TSPAN7: variants seen among roughly 807,000 people sequenced by gnomAD.
The protein encoded by TSPAN7 is tetraspanin 7.
In TSPAN7, 1 loss-of-function variant was observed where a neutral mutation model predicts 17.6. The observed-to-expected ratio is 0.06, with a 90% CI of 0.02 to 0.27. The LOEUF is 0.27. TSPAN7 is among the 10% of genes least tolerant of loss of function. The probability of loss-of-function intolerance (pLI) is 1.00; values close to 1 mark genes in which losing one functional copy is unlikely to be tolerated. For synonymous variants in TSPAN7, 78 were observed against 79.0 expected, an observed-to-expected ratio of 0.99 and a Z score of 0.07; for missense variants, 112 against 201.7, an observed-to-expected ratio of 0.56 and a Z score of 2.69.
At chrX:38,630,184 T>C (rs1274147230) in intron 1 of TSPAN7, among the ~76,000 whole-genome samples, 1 of 112,386 alleles carries the variant, frequency 8.9e-6, no homozygotes, top group African/African-American at 3.2e-5. Flanking sequence ...AATGATTGTG[T>C]CCTTCATGTA....
chrX:38,683,417 A>C (rs2069904926), intron 6 of TSPAN7, among the ~76,000 whole-genome samples: 1 of 113,129 alleles, frequency 8.8e-6, no homozygotes, highest in South Asian at 3.6e-4. Flanking sequence ...CCTCTAGGCC[A>C]GTAAGAGAGC....
intron 1 of TSPAN7, chrX:38,571,031 A>G (rs1423478038): frequency 1.8e-5 from 2 of 112,201 alleles, no homozygotes; most frequent in African/African-American, 6.5e-5. Flanking sequence ...GTTTTGTTAC[A>G]TATATATATT....
intron 1 of TSPAN7, among the ~76,000 whole-genome samples, chrX:38,622,311 C>CA (rs2069492597): frequency 1.8e-5 from 2 of 112,299 alleles, no homozygotes; most frequent in African/African-American, 6.5e-5. Context: ...CTTTGGGAGG[C>CA]CAAGGCAGGA....
At chrX:38,671,919 G>T (rs2069823346) in intron 3 of TSPAN7, among the ~76,000 whole-genome samples, 1 of 110,800 alleles carries the variant, frequency 9.0e-6, no homozygotes, top group African/African-American at 3.3e-5. Flanking sequence ...GTGGTGGCTT[G>T]CTTCTATAGT....
At chrX:38,672,464 C>T (rs1040483702) in intron 3 of TSPAN7, among the ~76,000 whole-genome samples, 6 of 110,687 alleles carry the variant, frequency 5.4e-5, no homozygotes, top group African/African-American at 9.9e-5. Context: ...TTACCAAAGA[C>T]AGTATCCCAG....
chrX:38,585,584 A>G (rs2069254040), intron 1 of TSPAN7, among the ~76,000 whole-genome samples: 1 of 112,137 alleles, frequency 8.9e-6, no homozygotes, highest in African/African-American at 3.2e-5. Flanking sequence ...TTTTAATACA[A>G]TACAAAATAT....
chrX:38,632,122 G>A (rs996783771), intron 1 of TSPAN7, among the ~76,000 whole-genome samples: 2 of 111,168 alleles, frequency 1.8e-5, no homozygotes, highest in South Asian at 3.8e-4. Flanking sequence ...CTTAATTGGC[G>A]TAAACTCTCA....
intron 1 of TSPAN7, among the ~76,000 whole-genome samples, chrX:38,624,550 T>C (rs1467241168): frequency 8.9e-6 from 1 of 112,517 alleles, no homozygotes; most frequent in Admixed American, 9.4e-5. Flanking sequence ...ACTGAAGAAA[T>C]AGGTTTCAGT....
chrX:38,618,446 G>A (rs2069468848), intron 1 of TSPAN7, among the ~76,000 whole-genome samples: 1 of 111,667 alleles, frequency 9.0e-6, no homozygotes, highest in Admixed American at 9.5e-5. Context: ...TTGGGTGGGT[G>A]TTCTTGATAG....
At chrX:38,634,890 A>AGTG (rs2069571124) in intron 1 of TSPAN7, among the ~76,000 whole-genome samples, 1 of 110,278 alleles carries the variant, frequency 9.1e-6, no homozygotes, top group South Asian at 3.9e-4. Flanking sequence ...GCTCATGTGC[A>AGTG]TAACCTGATA....
At chrX:38,644,412 T>C (rs1297106827) in intron 1 of TSPAN7, among the ~76,000 whole-genome samples, 4 of 112,059 alleles carry the variant, frequency 3.6e-5, no homozygotes, top group Admixed American at 1.9e-4. Flanking sequence ...AGATAATGAG[T>C]GTCCCTTTCG....
intron 1 of TSPAN7, among the ~76,000 whole-genome samples, chrX:38,645,738 C>T (rs2069641253): frequency 8.9e-6 from 1 of 111,866 alleles, no homozygotes; most frequent in Admixed American, 9.5e-5. Context: ...AAGATTCTCT[C>T]AGGAGGCAAT....
intron 1 of TSPAN7, among the ~76,000 whole-genome samples, chrX:38,587,751 A>G (rs892341906): frequency 8.9e-6 from 1 of 112,051 alleles, no homozygotes; most frequent in Non-Finnish European, 1.9e-5. Context: ...CAGGAAATCT[A>G]TATTAACATC....
intron 1 of TSPAN7, among the ~76,000 whole-genome samples, chrX:38,572,299 A>G (rs2069173656): frequency 9.0e-6 from 1 of 111,323 alleles, no homozygotes. Context: ...TGTTCACTGC[A>G]GTGTGTCTGC....
intron 1 of TSPAN7, among the ~76,000 whole-genome samples, chrX:38,659,906 A>C (rs2069733064): frequency 1.0e-5 from 1 of 98,836 alleles, no homozygotes; most frequent in African/African-American, 3.8e-5. Context: ...GGCTCACTGC[A>C]ACCTCTGCCC....
intron 1 of TSPAN7, among the ~76,000 whole-genome samples, chrX:38,663,134 T>C (rs1303883159): frequency 2.1e-5 from 2 of 94,172 alleles, no homozygotes; most frequent in Non-Finnish European, 4.1e-5. Context: ...AATGAGTGGA[T>C]AAAGAAAATG....
chrX:38,678,156 A>T (rs935961803), intron 5 of TSPAN7, among the ~76,000 whole-genome samples: 3 of 112,348 alleles, frequency 2.7e-5, no homozygotes. Flanking sequence ...TTTTACTAGC[A>T]GGATGATGAA....
chrX:38,675,757 T>G lies in TSPAN7; in HGVS notation c.494T>G (p.Phe165Cys). ...ACCAACTGGAGCACCAGCCCCTACT[T>G]CCTGGAGCATGGCATCCCCCCCAGC... ...NYTNWSTSPYFLEHGIPPSCC... is the reference protein window; with the variant it reads ...NYTNWSTSPYCLEHGIPPSCC... The change falls in exon 5 of 8, where the codon TTC becomes TGC. Residue 165 changes from phenylalanine to cysteine, a missense_variant. Coordinates refer to ENST00000378482, the MANE Select transcript of TSPAN7 (RefSeq NM_004615.4). 8.3e-7 allele frequency: 1 copy of G among 1,211,095 alleles called. No individual in the cohort carries two copies. The highest frequency in any genetic ancestry group is 1.1e-6 in the Non-Finnish European group (1 of 895,344).
At chrX:38,671,807 C>T (rs1277182740) in intron 3 of TSPAN7, among the ~76,000 whole-genome samples, 3 of 111,047 alleles carry the variant, frequency 2.7e-5, no homozygotes, top group African/African-American at 9.9e-5. Flanking sequence ...CTTTGCAAGG[C>T]CTGGGGCAGG....
Sources: allele counts gnomAD v4.1 joint callset (sites outside exome capture counted in the v4.1 genomes callset), GRCh38; gene constraint gnomAD v4.1.1; transcripts MANE v1.5; gene names NCBI Gene and HGNC (gene_info 2026-07-23, HGNC 2026-07-21).